TDP1: variants seen among roughly 807,000 people sequenced by gnomAD.
The protein encoded by TDP1 is tyrosyl-DNA phosphodiesterase 1, also known as tyr-DNA phosphodiesterase 1.
In TDP1, 64 loss-of-function variants were observed where a neutral mutation model predicts 81.5. That is an observed-to-expected ratio of 0.79 (90% CI 0.64 to 0.97). TDP1 has a LOEUF of 0.97. Among genes scored for constraint, TDP1 ranks in the 50% least tolerant of loss-of-function variants. TDP1 has a pLI of 0.00. For synonymous variants in TDP1, 256 were observed against 264.3 expected (o/e 0.97, Z 0.30); for missense variants, 723 against 743.8 (o/e 0.97, Z 0.33).
intron 14 of TDP1, among the ~76,000 whole-genome samples, chr14:90,006,468 TC>T (rs1304233191): frequency 2.0e-5 from 3 of 152,076 alleles, no homozygotes; most frequent in Admixed American, 6.6e-5. Flanking sequence ...ATCCTTGACC[TC>T]CCAGGCTCAG....
chr14:89,955,134 A>G (rs777533034), upstream of TDP1: 1 of 158,706 alleles, frequency 6.3e-6, no homozygotes, highest in Non-Finnish European at 1.4e-5. Flanking sequence ...GAAAAGAGCC[A>G]AGTCCAGGAT....
intron 11 of TDP1, chr14:89,989,314 C>T: frequency 1.0e-6 from 1 of 985,204 alleles, no homozygotes; most frequent in Non-Finnish European, 1.2e-6. Context: ...CCGATTCGTT[C>T]AGGAGCTCCA....
intron 14 of TDP1, among the ~76,000 whole-genome samples, chr14:90,006,563 G>T (rs1180278621): frequency 1.3e-5 from 2 of 151,712 alleles, no homozygotes; most frequent in Non-Finnish European, 2.9e-5. Flanking sequence ...TTGAGACAGA[G>T]TCTTGCTCTG....
At chr14:89,972,252 G>C (rs35230069) in intron 6 of TDP1, among the ~76,000 whole-genome samples, 14,456 of 152,048 alleles carry the variant, frequency 0.095, 1,766 homozygotes, top group African/African-American at 0.28. Flanking sequence ...AAGGTGAAGA[G>C]GAAGCAGGCA....
At chr14:90,000,818 G>T (rs917660629) in intron 14 of TDP1, among the ~76,000 whole-genome samples, 3 of 152,222 alleles carry the variant, frequency 2.0e-5, no homozygotes, top group African/African-American at 7.2e-5. Flanking sequence ...ACACTCAAAA[G>T]ACTGAACCTC....
At chr14:89,967,338 C>T (rs753515639) in intron 4 of TDP1, 29 bp from the exon 5 acceptor site, 8 of 1,608,342 alleles carry the variant, frequency 5.0e-6, no homozygotes, top group Non-Finnish European at 6.8e-6. Context: ...TTACCTATGG[C>T]TTAGTTACTC....
chr14:89,998,418 A>C, intron 14 of TDP1, among the ~76,000 whole-genome samples: 1 of 98,248 alleles, frequency 1.0e-5, no homozygotes, highest in African/African-American at 4.7e-5. Context: ...ATATATATAT[A>C]TATATGTATG....
At chr14:90,001,579 A>G (rs1897189606) in intron 14 of TDP1, among the ~76,000 whole-genome samples, 3 of 152,240 alleles carry the variant, frequency 2.0e-5, no homozygotes, top group Admixed American at 2.0e-4. Flanking sequence ...ATTGGCTAAT[A>G]TAGTGCCTAG....
intron 14 of TDP1, among the ~76,000 whole-genome samples, chr14:90,013,971 T>C (rs553384655): frequency 5.4e-4 from 83 of 152,330 alleles, no homozygotes; most frequent in African/African-American, 2.0e-3. Context: ...TAAACCTCTT[T>C]CCTTTATAAA....
chr14:89,975,698 C>T, intron 6 of TDP1, 83 bp from the exon 7 acceptor site: 1 of 1,280,066 alleles, frequency 7.8e-7, no homozygotes, highest in Non-Finnish European at 1.1e-6. Context: ...AAAAAGTTGA[C>T]CTGATTGCTT....
chr14:90,020,379 C>G (rs1885851511), intron 15 of TDP1, among the ~76,000 whole-genome samples: 1 of 133,376 alleles, frequency 7.5e-6, no homozygotes, highest in Non-Finnish European at 1.6e-5. Context: ...TCCCTCCCTT[C>G]CTTCCTTCCT....
intron 14 of TDP1, 124 bp downstream of exon 14, chr14:89,993,607 T>A: frequency 6.8e-7 from 1 of 1,464,742 alleles, no homozygotes. Context: ...AGTATGTTTG[T>A]GTTACATGAG....
chr14:89,968,577 AAG>A (rs752400119), intron 5 of TDP1, among the ~76,000 whole-genome samples: 34 of 152,240 alleles, frequency 2.2e-4, no homozygotes, highest in Non-Finnish European at 4.6e-4. Flanking sequence ...CCAGCTGTAA[AAG>A]AGGCTAGAAA....
intron 2 of TDP1, among the ~76,000 whole-genome samples, chr14:89,959,402 T>C (rs1892067725): frequency 6.6e-6 from 1 of 152,252 alleles, no homozygotes; most frequent in African/African-American, 2.4e-5. Context: ...TGACCAGTTA[T>C]CCAAAGTAAA....
At chr14:89,993,867 T>C (rs1434969909) in intron 14 of TDP1, among the ~76,000 whole-genome samples, 1 of 152,200 alleles carries the variant, frequency 6.6e-6, no homozygotes, top group Non-Finnish European at 1.5e-5. Flanking sequence ...CAATCAAATC[T>C]CTTATGTGTC....
chr14:89,970,038 G>A (rs994070248), intron 5 of TDP1, among the ~76,000 whole-genome samples: 1 of 151,108 alleles, frequency 6.6e-6, no homozygotes, highest in African/African-American at 2.4e-5. Flanking sequence ...CACTACGCCC[G>A]GCTAATTTTT....
At position 89,986,452 on chromosome 14, in the gene TDP1, A is replaced by G. The variant is rs144532921; in HGVS notation, c.1131+1242A>G. Among the ~76,000 whole-genome samples, 110 of 152,366 alleles carry G rather than the reference A, an allele frequency of 7.2e-4. 1 individual carries two copies. Among genetic ancestry groups the G allele is most frequent in the African/African-American group, 2.6e-3 (107 of 41,584 alleles). ...CAGTAAGTCTTCAGTGCACATACAC[A>G]GTTGTTTGTGGACAAATGTCTAATG... On this transcript the variant is annotated intron_variant, in intron 10 of 16. Coordinates refer to ENST00000335725, the MANE Select transcript of TDP1 (RefSeq NM_018319.4).
chr14:90,020,998 G>C (rs1196196668), intron 15 of TDP1, among the ~76,000 whole-genome samples: 1 of 151,666 alleles, frequency 6.6e-6, no homozygotes, highest in African/African-American at 2.4e-5. Context: ...GTTTCACCAT[G>C]TTGGCCAAGT....
At chr14:90,003,232 A>G (rs1287571760) in intron 14 of TDP1, among the ~76,000 whole-genome samples, 5 of 152,202 alleles carry the variant, frequency 3.3e-5, no homozygotes, top group South Asian at 4.1e-4. Context: ...CACTGCGCCC[A>G]GCCATATGTG....
Sources: gnomAD v4.1 joint callset for allele counts (sites outside exome capture counted in the v4.1 genomes callset) on GRCh38, gnomAD v4.1.1 for gene constraint, MANE v1.5 for transcripts, NCBI Gene and HGNC (gene_info 2026-07-23, HGNC 2026-07-21) for gene names.